Variants in TMCC3 observed in about 807,000 individuals in gnomAD.
TMCC3 encodes the protein transmembrane and coiled-coil domain protein 3.
Under a neutral mutation model 40.2 loss-of-function variants are expected in TMCC3, and 28 were observed. The observed-to-expected ratio is 0.70, with a 90% CI of 0.52 to 0.95. TMCC3 has a LOEUF of 0.95. Ranked by LOEUF, TMCC3 falls within the 40% of genes least tolerant of loss-of-function variation. The probability of loss-of-function intolerance (pLI) is 0.00; values close to 1 mark genes in which losing one functional copy is unlikely to be tolerated. For missense variants in TMCC3, 554 were observed against 615.2 expected (o/e 0.90, Z 1.05); for synonymous variants, 255 against 248.5 (o/e 1.03, Z -0.25).
At chr12:94,575,113 C>T (rs1313645387) in intron 3 of TMCC3, among the ~76,000 whole-genome samples, 1 of 152,070 alleles carries the variant, frequency 6.6e-6, no homozygotes, top group Non-Finnish European at 1.5e-5. Flanking sequence ...GTTTAAAAAA[C>T]CACTCAGTTG....
intron 3 of TMCC3, among the ~76,000 whole-genome samples, chr12:94,573,153 T>A (rs1260928617): frequency 6.6e-6 from 1 of 152,006 alleles, no homozygotes; most frequent in Non-Finnish European, 1.5e-5. Flanking sequence ...CTTCTCAGAG[T>A]ACAGCACCAT....
At chr12:94,580,921 AAGATGCACG>A (rs2068596798) in intron 2 of TMCC3, among the ~76,000 whole-genome samples, 1 of 152,228 alleles carries the variant, frequency 6.6e-6, no homozygotes, top group Admixed American at 6.5e-5. Context: ...TCAGCATCTT[AAGATGCACG>A]TGAGTTGTTG....
At chr12:94,578,310 C>T in intron 3 of TMCC3, 84 bp downstream of exon 3, 1 of 1,497,382 alleles carries the variant, frequency 6.7e-7, no homozygotes, top group Non-Finnish European at 9.0e-7. Context: ...CCCTCTAGGA[C>T]TTAGGCATAA....
At chr12:94,645,629 C>T (rs758758308) in intron 1 of TMCC3, among the ~76,000 whole-genome samples, 3 of 151,928 alleles carry the variant, frequency 2.0e-5, no homozygotes, top group Admixed American at 1.3e-4. Flanking sequence ...TAGTAGAGAC[C>T]GGATTTTACC....
intron 1 of TMCC3, chr12:94,598,740 A>T (rs1266406653): frequency 4.1e-5 from 40 of 985,328 alleles, no homozygotes; most frequent in Non-Finnish European, 4.7e-5. Flanking sequence ...GGCTCCAAAG[A>T]TTCGTGTTTC....
intron 1 of TMCC3, among the ~76,000 whole-genome samples, chr12:94,592,830 T>TA (rs1262769516): frequency 5.3e-5 from 8 of 151,892 alleles, no homozygotes; most frequent in African/African-American, 1.9e-4. Flanking sequence ...GATTAGGCAG[T>TA]GTTTAAGAGT....
At chr12:94,641,252 G>C (rs895592760) in intron 1 of TMCC3, among the ~76,000 whole-genome samples, 4 of 152,058 alleles carry the variant, frequency 2.6e-5, no homozygotes, top group South Asian at 2.1e-4. Context: ...GGGTAGGGTG[G>C]GGGATTGAGG....
At position 94,582,291 on chromosome 12, in the gene TMCC3, C is replaced by A. The variant is rs2068608445; in HGVS notation, c.326G>T (p.Gly109Val). The change falls in exon 2 of 4, where the codon GGA becomes GTA. Residue 109 changes from glycine to valine, a missense_variant. By Grantham distance (109) the Gly-to-Val change is moderately radical. Transcript: ENST00000261226. ...LVNNADKQQA[G>V]RIKQVFEKKN... ...CTTCTCAAAGACTTGCTTGATACGT[C>A]CCGCCTGCTGCTTGTCTGCGTTGTT... is the stretch of plus-strand genomic sequence containing the variant. The A allele has an allele frequency of 6.2e-7, 1 of 1,613,942 alleles. No individual in the cohort carries two copies. Among genetic ancestry groups the A allele is most frequent in the Admixed American group, 1.7e-5 (1 of 59,988 alleles).
At chr12:94,618,075 C>G (rs55934166) in intron 1 of TMCC3, among the ~76,000 whole-genome samples, 32,912 of 152,122 alleles carry the variant, frequency 0.22, 3,857 homozygotes, top group Non-Finnish European at 0.25. Context: ...TTTGCTAATT[C>G]TAACTCTTAA....
chr12:94,631,969 G>A lies in TMCC3; in HGVS notation c.78+18384C>T, dbSNP rs193130568. Among the ~76,000 whole-genome samples the A allele has an allele frequency of 1.3e-3, 203 of 152,196 alleles. 2 individuals carry two copies. The highest frequency in any genetic ancestry group is 0.01 in the Middle Eastern group (3 of 294). On this transcript the variant is annotated intron_variant, in intron 1 of 3. Transcript: ENST00000261226. The stretch of plus-strand genomic sequence containing the variant: ...TTAAAAGTATATTGACACTACTCAC[G>A]AATAAAAAGGAATGAACTCCTGTTA...
rs749327505 is a variant in TMCC3 at position 94,581,865 on chromosome 12, T to C, written c.752A>G (p.Tyr251Cys). 8 of 1,614,088 alleles carry C rather than the reference T, an allele frequency of 5.0e-6. No homozygotes were observed. Among genetic ancestry groups the C allele is most frequent in the African/African-American group, 1.3e-5 (1 of 74,924 alleles). Residue 251 changes from tyrosine to cysteine, a missense_variant, in exon 2 of 4, where the codon TAT becomes TGT. Tyr to Cys is a radical substitution (Grantham distance 194). Coordinates refer to ENST00000261226, the MANE Select transcript of TMCC3 (RefSeq NM_020698.4). ...ACTCGAACATTCATCATCACTGCCA[T>C]ACTTGGGTTTGTTCACGATGGTAGC... ...GSATIVNKPK[Y>C]GSDDECSSGT...
rs529849894 is a variant in TMCC3, at chr12:94,584,373, C to T, written c.79-1835G>A. 3.3e-5 allele frequency among the ~76,000 whole-genome samples: 5 copies of T among 152,240 alleles called. No individual in the cohort carries two copies. In the East Asian group the frequency reaches 7.7e-4, roughly 24 times the overall value. The stretch of plus-strand genomic sequence containing the variant: ...GAGTAAAAGCTCCCCGCAGCCTCCC[C>T]AGAACCAGAGGAAGCCATGCTTCCT... On this transcript the variant is annotated intron_variant, in intron 1 of 3. Transcript: ENST00000261226.
Position 94,650,441 on chromosome 12 carries a change from C to G in TMCC3, c.-11G>C. ...GTCGCTGCCCGGCATCTCCGCGCTC[C>G]GGCCGCGAACTTTCCCGTCTTCTGG... On this transcript the variant is annotated 5_prime_UTR_variant, in exon 1 of 4. Coordinates refer to ENST00000261226, the MANE Select transcript of TMCC3 (RefSeq NM_020698.4). 7.8e-7 allele frequency: 1 copy of G among 1,284,210 alleles called. No homozygotes were observed. The highest frequency in any genetic ancestry group is 9.9e-7 in the Non-Finnish European group (1 of 1,009,574). 79.6% of individuals were successfully genotyped at this position (1,284,210 alleles called of 1,614,324 possible).
At chr12:94,609,614 C>G (rs2068803344) in intron 1 of TMCC3, among the ~76,000 whole-genome samples, 1 of 152,156 alleles carries the variant, frequency 6.6e-6, no homozygotes, top group South Asian at 2.1e-4. Flanking sequence ...ATATTATTTT[C>G]TATGGGTAAA....
At chr12:94,616,471 T>G (rs1205151825) in intron 1 of TMCC3, 1 of 152,444 alleles carries the variant, frequency 6.6e-6, no homozygotes, top group Non-Finnish European at 1.5e-5. Context: ...CAGTGAGCAG[T>G]CAGGAGACTC....
intron 1 of TMCC3, among the ~76,000 whole-genome samples, chr12:94,596,086 A>G (rs1235459790): frequency 6.6e-6 from 1 of 152,230 alleles, no homozygotes; most frequent in African/African-American, 2.4e-5. Context: ...AGTGTGAAAT[A>G]CTTAACAAAG....
chr12:94,646,293 G>A (rs541885734), intron 1 of TMCC3, among the ~76,000 whole-genome samples: 4 of 152,060 alleles, frequency 2.6e-5, no homozygotes, highest in African/African-American at 9.7e-5. Flanking sequence ...ATGACTAGCA[G>A]TTCTGATTAG....
chr12:94,598,805 G>A, intron 1 of TMCC3: 2 of 974,492 alleles, frequency 2.1e-6, no homozygotes, highest in Non-Finnish European at 2.4e-6. Context: ...TGGGATAAAA[G>A]AAACGACAAA....
intron 1 of TMCC3, among the ~76,000 whole-genome samples, chr12:94,649,460 G>C (rs897424736): frequency 6.6e-6 from 1 of 152,238 alleles, no homozygotes; most frequent in Non-Finnish European, 1.5e-5. Flanking sequence ...GCGGAGCAAA[G>C]AACAACTCCA....
Sources: gnomAD v4.1 joint callset for allele counts (sites outside exome capture counted in the v4.1 genomes callset) on GRCh38, gnomAD v4.1.1 for gene constraint, MANE v1.5 for transcripts, NCBI Gene and HGNC (gene_info 2026-07-23, HGNC 2026-07-21) for gene names.